The following MYO16 variants were observed in gnomAD, a reference collection of about 807,000 sequenced individuals.
MYO16 encodes myosin XVI.
Under a neutral mutation model 205.3 loss-of-function variants are expected in MYO16, and 94 were observed. The ratio of observed to expected loss-of-function variants is 0.46; its 90% CI spans 0.39 to 0.54. MYO16 has a LOEUF of 0.54. MYO16 is among the 20% of genes least tolerant of loss of function. MYO16 has a pLI of 0.00. For synonymous variants in MYO16, 988 were observed against 954.0 expected (o/e 1.04, Z -0.66); for missense variants, 2,315 against 2,387.5 (o/e 0.97, Z 0.63).
At chr13:108,796,940 A>C (rs1009353946) in intron 6 of MYO16, among the ~76,000 whole-genome samples, 91 of 152,084 alleles carry the variant, frequency 6.0e-4, no homozygotes, top group African/African-American at 2.0e-3. Flanking sequence ...TAAAATTAAA[A>C]TTAAAATTAA....
intron 3 of MYO16, among the ~76,000 whole-genome samples, chr13:108,722,150 G>T (rs1884187769): frequency 6.6e-6 from 1 of 152,186 alleles, no homozygotes. Flanking sequence ...GACAGCAGGA[G>T]CTTGGGGACC....
At chr13:108,649,952 T>C (rs1880925805) in intron 1 of MYO16, among the ~76,000 whole-genome samples, 2 of 152,108 alleles carry the variant, frequency 1.3e-5, no homozygotes, top group Admixed American at 6.6e-5. Flanking sequence ...AACCTAAAAA[T>C]GACAATAGAG....
chr13:108,519,436 C>CT, the MYO16 span, among the ~76,000 whole-genome samples: 1 of 151,980 alleles, frequency 6.6e-6, no homozygotes, highest in Non-Finnish European at 1.5e-5. Flanking sequence ...TTGTTTCTTC[C>CT]TTTTTTCTAT....
At chr13:108,538,231 G>A in the MYO16 span, among the ~76,000 whole-genome samples, 3 of 152,044 alleles carry the variant, frequency 2.0e-5, no homozygotes, top group Non-Finnish European at 4.4e-5. Flanking sequence ...AGAAAGAAAG[G>A]TTCAAGGTGG....
chr13:109,005,683 A>G (rs928977904), intron 21 of MYO16, among the ~76,000 whole-genome samples: 1 of 152,056 alleles, frequency 6.6e-6, no homozygotes, highest in Non-Finnish European at 1.5e-5. Context: ...CCCGTTTCTG[A>G]AGATGTTTGA....
intron 32 of MYO16, among the ~76,000 whole-genome samples, chr13:109,159,415 G>C (rs1878254756): frequency 6.6e-6 from 1 of 151,168 alleles, no homozygotes. Context: ...CTATTTTACA[G>C]GTATGGAAAG....
At chr13:109,085,262 A>C (rs1380595599) in intron 27 of MYO16, among the ~76,000 whole-genome samples, 37 of 152,220 alleles carry the variant, frequency 2.4e-4, no homozygotes, top group Non-Finnish European at 1.5e-5. Context: ...TAGATAGGGC[A>C]TGAGAGTTGT....
At chr13:108,976,673 T>C (rs1001195854) in intron 20 of MYO16, among the ~76,000 whole-genome samples, 23 of 152,210 alleles carry the variant, frequency 1.5e-4, no homozygotes, top group African/African-American at 4.8e-4. Flanking sequence ...AATTTATGTT[T>C]ATAATTTTCA....
chr13:108,925,446 T>C (rs1881954741), intron 16 of MYO16, among the ~76,000 whole-genome samples: 1 of 152,116 alleles, frequency 6.6e-6, no homozygotes, highest in Non-Finnish European at 1.5e-5. Flanking sequence ...GGGCCAGAGA[T>C]AAGTAAGTAT....
intron 15 of MYO16, among the ~76,000 whole-genome samples, chr13:108,909,000 A>G (rs1284678021): frequency 1.3e-5 from 2 of 149,324 alleles, no homozygotes; most frequent in Non-Finnish European, 3.0e-5. Context: ...ATAAATAAAT[A>G]AATAAATAAA....
intron 4 of MYO16, among the ~76,000 whole-genome samples, chr13:108,770,829 G>A (rs1885937379): frequency 6.6e-6 from 1 of 152,140 alleles, no homozygotes; most frequent in Non-Finnish European, 1.5e-5. Flanking sequence ...CGAATGTGGT[G>A]AGATCAGCCC....
At chr13:108,710,838 G>T (rs940523860) in intron 2 of MYO16, among the ~76,000 whole-genome samples, 1 of 152,170 alleles carries the variant, frequency 6.6e-6, no homozygotes, top group Non-Finnish European at 1.5e-5. Context: ...TTTGTAGTGA[G>T]ATCACACTTA....
At chr13:108,818,154 C>T (rs1007560917) in intron 7 of MYO16, among the ~76,000 whole-genome samples, 9 of 151,964 alleles carry the variant, frequency 5.9e-5, no homozygotes, top group Non-Finnish European at 1.0e-4. Flanking sequence ...GAGACCAAGT[C>T]GGGCTGATCA....
Position 108,665,950 on chromosome 13 carries a change from G to T in MYO16, c.93G>T (p.Glu31Asp). ...TGGAAATCGACCAGTGCTTGCTAGA[G>T]TCCCTTCCCCTTGGCCAACGGCAGC... ...HEMEIDQCLLESLPLGQRQRL... is the reference protein window; with the variant it reads ...HEMEIDQCLLDSLPLGQRQRL... Residue 31 changes from glutamate (E) to aspartate (D), a missense_variant, in exon 2 of 35, where the codon GAG becomes GAT. Around this residue, in one of 3 missense-constraint regions of MYO16, gnomAD observed 1,213 missense variants for 1,274.4 expected, o/e 0.95. Transcript: ENST00000457511. The T allele has an allele frequency of 6.2e-7, 1 of 1,614,116 alleles. No individual in the cohort carries two copies. The highest frequency in any genetic ancestry group is 8.5e-7 in the Non-Finnish European group (1 of 1,179,986).
intron 4 of MYO16, among the ~76,000 whole-genome samples, chr13:108,728,316 A>G (rs1884408433): frequency 6.6e-6 from 1 of 152,218 alleles, no homozygotes; most frequent in Non-Finnish European, 1.5e-5. Flanking sequence ...GCTCGAATAT[A>G]TTAAACAACT....
chr13:109,134,483 T>C (rs1027450489), intron 31 of MYO16, among the ~76,000 whole-genome samples: 5 of 152,154 alleles, frequency 3.3e-5, no homozygotes, highest in African/African-American at 1.2e-4. Context: ...CAGTTGTCAC[T>C]CTCGGTCCTT....
chr13:108,828,954 T>C (rs1311297082), intron 9 of MYO16, among the ~76,000 whole-genome samples: 1 of 152,234 alleles, frequency 6.6e-6, no homozygotes, highest in African/African-American at 2.4e-5. Flanking sequence ...ATTTGTATCC[T>C]TTATGATAAA....
intron 2 of MYO16, among the ~76,000 whole-genome samples, chr13:108,707,665 GGGAAA>G (rs1883564640): frequency 6.6e-6 from 1 of 152,188 alleles, no homozygotes; most frequent in Non-Finnish European, 1.5e-5. Context: ...GCAAATTAAT[GGGAAA>G]GGATCTTCTA....
At chr13:108,548,494 T>C in the MYO16 span, among the ~76,000 whole-genome samples, 1 of 151,196 alleles carries the variant, frequency 6.6e-6, no homozygotes, top group Non-Finnish European at 1.5e-5. Flanking sequence ...CTGGTGGTAG[T>C]TGTGTTGGTA....
Sources: gnomAD v4.1 joint callset for allele counts (sites outside exome capture counted in the v4.1 genomes callset) on GRCh38, gnomAD v4.1.1 for gene constraint, gnomAD v4.1.1 regional missense constraint, MANE v1.5 for transcripts, NCBI Gene and HGNC (gene_info 2026-07-23, HGNC 2026-07-21) for gene names.